Variants in CUL3 observed in about 807,000 individuals in gnomAD.
The protein encoded by CUL3 is cullin-3.
Under a neutral mutation model 89.1 loss-of-function variants are expected in CUL3, and 19 were observed. That is an observed-to-expected ratio of 0.21 (90% CI 0.15 to 0.31). The LOEUF (loss-of-function observed/expected upper bound fraction) is 0.31, where lower values mean the gene tolerates loss of function less well. Ranked by LOEUF, CUL3 falls within the 10% of genes least tolerant of loss-of-function variation. CUL3 has a pLI of 1.00. For synonymous variants in CUL3, 351 were observed against 308.4 expected (o/e 1.14, Z -1.45); for missense variants, 469 against 942.3 (o/e 0.50, Z 6.58).
intron 3 of CUL3, among the ~76,000 whole-genome samples, chr2:224,515,858 A>C (rs1203727238): frequency 1.3e-5 from 2 of 151,906 alleles, no homozygotes; most frequent in Non-Finnish European, 2.9e-5. Flanking sequence ...ATGCCTGGCT[A>C]ATCTTTTTAT....
chr2:224,585,011 G>C lies in CUL3; in HGVS notation c.-2C>G, dbSNP rs1695546532. 2 of 1,498,306 alleles carry C rather than the reference G, an allele frequency of 1.3e-6. No homozygotes were observed. The highest frequency in any genetic ancestry group is 1.8e-6 in the Non-Finnish European group (2 of 1,111,532). 92.8% of individuals were successfully genotyped at this position (1,498,306 alleles called of 1,614,324 possible). On this transcript the variant is annotated 5_prime_UTR_variant, in exon 1 of 16. Transcript: ENST00000264414. ...CGTGCCTTTGCTCAGATTCGACATG[G>C]TGCTCGTCCCCTCCCCGGCGGCGGC...
chr2:224,521,181 T>C (rs1288201527), intron 3 of CUL3, among the ~76,000 whole-genome samples: 1 of 152,218 alleles, frequency 6.6e-6, no homozygotes, highest in Admixed American at 6.5e-5. Flanking sequence ...AAATGGGTTC[T>C]AGGCAAAATC....
chr2:224,516,140 T>C (rs1693033390), intron 3 of CUL3, among the ~76,000 whole-genome samples: 1 of 152,156 alleles, frequency 6.6e-6, no homozygotes, highest in African/African-American at 2.4e-5. Flanking sequence ...AGTGCTCACA[T>C]TTCTACATTC....
rs2106205521 is a variant in CUL3, at chr2:224,506,844, C to T, written c.1029+14G>A. The T allele has an allele frequency of 6.2e-7, 1 of 1,610,028 alleles. No homozygotes were observed. Among genetic ancestry groups the T allele is most frequent in the Non-Finnish European group, 8.5e-7 (1 of 1,178,576 alleles). The stretch of plus-strand genomic sequence containing the variant: ...CTTTATCATAAACACAGAGAATCTT[C>T]TGGGTTTACTTACCTGGATATAGTC... On this transcript the variant is annotated intron_variant, in intron 7 of 15. Coordinates refer to ENST00000264414, the MANE Select transcript of CUL3 (RefSeq NM_003590.5).
At chr2:224,570,248 A>T (rs1236154856) in intron 1 of CUL3, among the ~76,000 whole-genome samples, 5 of 152,206 alleles carry the variant, frequency 3.3e-5, no homozygotes, top group African/African-American at 4.8e-5. Flanking sequence ...CAATAATACC[A>T]TTTATCCATC....
At chr2:224,510,223 T>C (rs992364298) in intron 6 of CUL3, among the ~76,000 whole-genome samples, 4 of 151,752 alleles carry the variant, frequency 2.6e-5, no homozygotes, top group Admixed American at 6.6e-5. Context: ...ACTTCTGTTT[T>C]TTTTTTTTTT....
At chr2:224,553,057 A>C (rs1415691896) in intron 2 of CUL3, among the ~76,000 whole-genome samples, 2 of 152,210 alleles carry the variant, frequency 1.3e-5, no homozygotes. Flanking sequence ...AGTAGAACAA[A>C]CTGAGACTTA....
chr2:224,532,494 G>T (rs992773830), intron 3 of CUL3, among the ~76,000 whole-genome samples: 1 of 151,656 alleles, frequency 6.6e-6, no homozygotes, highest in Non-Finnish European at 1.5e-5. Context: ...ATGGGGATTA[G>T]CAGTCTCTCT....
At chr2:224,535,000 CAAAATAAATAAATAAATAAATAAA>C (rs1388105331) in intron 3 of CUL3, among the ~76,000 whole-genome samples, 3 of 116,984 alleles carry the variant, frequency 2.6e-5, no homozygotes, top group Non-Finnish European at 3.6e-5. Flanking sequence ...GACCCCGTCT[CAAAATAAATAAATAAATAAATAAA>C]TAAATAAATA....
chr2:224,563,504 T>G (rs1304283703), intron 1 of CUL3, among the ~76,000 whole-genome samples: 2 of 152,216 alleles, frequency 1.3e-5, no homozygotes, highest in Admixed American at 6.5e-5. Flanking sequence ...CCTAAGTTTG[T>G]CCATATCTTA....
rs554055473 is a variant in CUL3 at position 224,483,654 on chromosome 2, C to T, written c.1843-1576G>A. 5.3e-5 allele frequency among the ~76,000 whole-genome samples: 8 copies of T among 152,094 alleles called. 1 individual carries two copies. The highest frequency in any genetic ancestry group is 5.2e-4 in the Admixed American group (8 of 15,284). On this transcript the variant is annotated intron_variant, in intron 13 of 15. Transcript: ENST00000264414. ...TACACGAACACATCCACCTATACAC[C>T]AGTATTAGTGTTAAATGAGACCATA...
chr2:224,532,529 G>C (rs1693733940), intron 3 of CUL3, among the ~76,000 whole-genome samples: 1 of 151,976 alleles, frequency 6.6e-6, no homozygotes, highest in Non-Finnish European at 1.5e-5. Context: ...AGATACCATG[G>C]TGATACTAGT....
intron 2 of CUL3, among the ~76,000 whole-genome samples, chr2:224,538,063 A>C (rs1330817570): frequency 2.6e-5 from 4 of 152,162 alleles, no homozygotes; most frequent in Non-Finnish European, 5.9e-5. Context: ...ATCATACCTC[A>C]AAAAATTATC....
chr2:224,541,183 T>C (rs1694089470), intron 2 of CUL3, among the ~76,000 whole-genome samples: 1 of 147,402 alleles, frequency 6.8e-6, no homozygotes, highest in African/African-American at 2.5e-5. Flanking sequence ...AGCTACAGAA[T>C]AGGAGAAAAA....
chr2:224,530,357 TC>T (rs1693650919), intron 3 of CUL3, among the ~76,000 whole-genome samples: 1 of 152,014 alleles, frequency 6.6e-6, no homozygotes. Context: ...AGATCTGAAA[TC>T]CCAATAGTTA....
At position 224,514,737 on chromosome 2, in the gene CUL3, G is replaced by A. The variant is rs1222403444; in HGVS notation, c.414C>T (p.Asn138=). The A allele has an allele frequency of 1.2e-5, 19 of 1,612,676 alleles. No homozygotes were observed. The highest frequency in any genetic ancestry group is 3.3e-5 in the South Asian group (3 of 91,042). Residue 138 remains asparagine, a synonymous_variant, in exon 4 of 16, where the codon AAC becomes AAT. Transcript: ENST00000264414. ...AAATAATTAATCCCAAATTGTAGAC[G>A]TTCTCCACATTATTTTGTTGTACAT... ...RVYVQQNNVE[N]VYNLGLIIFR...
chr2:224,518,372 C>G (rs1693143836), intron 3 of CUL3, among the ~76,000 whole-genome samples: 1 of 152,090 alleles, frequency 6.6e-6, no homozygotes, highest in Non-Finnish European at 1.5e-5. Context: ...TATCTATAAG[C>G]TGATGGATAC....
chr2:224,499,660 T>A (rs1340326452), intron 11 of CUL3: 1 of 216,344 alleles, frequency 4.6e-6, no homozygotes, highest in Non-Finnish European at 9.9e-6. Flanking sequence ...ATTCCACTTA[T>A]AAGCACCCTG....
rs1052912068 is a variant in CUL3, at chr2:224,470,459, G to A, written c.*3786C>T. On this transcript the variant is annotated 3_prime_UTR_variant, in exon 16 of 16. Transcript: ENST00000264414. ...AGTTGTTTTTCTCCTGAGAGCTGGC[G>A]TAATGGCCAATCTCTGTATCATTAC... 4.8e-5 allele frequency: 11 copies of A among 230,218 alleles called. No homozygotes were observed. Among genetic ancestry groups the A allele is most frequent in the Non-Finnish European group, 8.6e-5 (10 of 116,378 alleles). The allele number at this position is 230,218 out of a possible 1,614,324, so 14.3% of individuals were successfully genotyped here.
Sources: gnomAD v4.1 joint callset for allele counts (sites outside exome capture counted in the v4.1 genomes callset) on GRCh38, gnomAD v4.1.1 for gene constraint, MANE v1.5 for transcripts, NCBI Gene and HGNC (gene_info 2026-07-23, HGNC 2026-07-21) for gene names.